ARPP21: variants seen among roughly 807,000 people sequenced by gnomAD.
ARPP21 encodes cAMP-regulated phosphoprotein 21.
ARPP21 carries 69 observed loss-of-function variants against 113.2 expected under a neutral mutation model. The ratio of observed to expected loss-of-function variants is 0.61; its 90% CI spans 0.50 to 0.74. The LOEUF is 0.74. Ranked by LOEUF, ARPP21 falls within the 30% of genes least tolerant of loss-of-function variation. ARPP21 has a pLI of 0.00. For synonymous variants in ARPP21, 368 were observed against 375.5 expected (o/e 0.98, Z 0.23); for missense variants, 1,070 against 1,037.4 (o/e 1.03, Z -0.43).
chr3:35,740,287 G>C (rs986571149), intron 18 of ARPP21, among the ~76,000 whole-genome samples: 3 of 152,146 alleles, frequency 2.0e-5, no homozygotes, highest in Admixed American at 1.3e-4. Context: ...AGTGATTACT[G>C]TCAAGATATA....
chr3:35,785,924 G>A (rs886138294), intron 19 of ARPP21, among the ~76,000 whole-genome samples: 1 of 151,918 alleles, frequency 6.6e-6, no homozygotes, highest in African/African-American at 2.4e-5. Context: ...TAAAACCAGC[G>A]AGTAATAAAT....
In ARPP21 at chr3:35,707,429, G is replaced by A. The variant is rs975944587; in HGVS notation, c.795+347G>A. On this transcript the variant is annotated intron_variant, in intron 10 of 20. Transcript: ENST00000684406. Reference sequence around the variant, plus strand: ...ATATCCAGATGTCTGTGTAACTATGGCAGTCGTTCCACTCCCTACAGCTTT... The same window carrying A: ...ATATCCAGATGTCTGTGTAACTATGACAGTCGTTCCACTCCCTACAGCTTT... The A allele has an allele frequency of 1.4e-4, 70 of 491,802 alleles. 1 individual carries two copies. The highest frequency in any genetic ancestry group is 2.8e-5 in the Non-Finnish European group (7 of 250,630). 30.5% of individuals were successfully genotyped at this position (491,802 alleles called of 1,614,324 possible). A position where few individuals can be genotyped will look rare whatever the true frequency, so the allele number is the denominator to read the frequency against.
chr3:35,726,994 C>G (rs1046910924), intron 14 of ARPP21, among the ~76,000 whole-genome samples: 3 of 152,176 alleles, frequency 2.0e-5, no homozygotes, highest in Admixed American at 6.5e-5. Context: ...GGAATATGAC[C>G]ACAGAGTCAT....
intron 1 of ARPP21, among the ~76,000 whole-genome samples, chr3:35,652,148 T>C (rs1327285361): frequency 6.6e-6 from 1 of 152,126 alleles, no homozygotes; most frequent in African/African-American, 2.4e-5. Flanking sequence ...AATCTACTAA[T>C]GTGACTCAGC....
At chr3:35,667,891 G>GAAGAAGAAGAAGAT in intron 1 of ARPP21, among the ~76,000 whole-genome samples, 1 of 71,366 alleles carries the variant, frequency 1.4e-5, no homozygotes, top group African/African-American at 6.5e-5. Flanking sequence ...AAGAAGAAGA[G>GAAGAAGAAGAAGAT]GAAGAGGAAG....
intron 19 of ARPP21, among the ~76,000 whole-genome samples, chr3:35,777,345 C>T (rs1004740822): frequency 2.0e-5 from 3 of 152,186 alleles, no homozygotes; most frequent in African/African-American, 4.8e-5. Context: ...TGGGAATTAA[C>T]TTGCTCCCAG....
rs756268326 is a variant in ARPP21, at chr3:35,689,326, G to A, written c.426G>A (p.Thr142=). 26 of 1,577,172 alleles carry A rather than the reference G, an allele frequency of 1.6e-5. No homozygotes were observed. The highest frequency in any genetic ancestry group is 2.7e-5 in the African/African-American group (2 of 73,992). The change falls in exon 7 of 21, where the codon ACG becomes ACA. Residue 142 remains threonine (T), a synonymous_variant. Coordinates refer to ENST00000684406, the MANE Select transcript of ARPP21 (RefSeq NM_001385562.1). ...MLSKDCSQEY[T]DSTGIDLHEF... ...TTTCAGATTGCAGCCAAGAATACAC[G>A]GATTCTACAGGCATAGACTTACACG...
intron 11 of ARPP21, among the ~76,000 whole-genome samples, chr3:35,712,075 C>G (rs1191278065): frequency 6.6e-6 from 1 of 152,174 alleles, no homozygotes; most frequent in Non-Finnish European, 1.5e-5. Flanking sequence ...AGGCAGCACA[C>G]TTTAGGGGAC....
intron 1 of ARPP21, among the ~76,000 whole-genome samples, chr3:35,654,204 A>G (rs1703748224): frequency 6.6e-6 from 1 of 152,088 alleles, no homozygotes. Context: ...AAAGATGCAT[A>G]TTAAGTGATG....
chr3:35,698,755 C>A (rs2085064064), intron 9 of ARPP21, among the ~76,000 whole-genome samples: 1 of 151,596 alleles, frequency 6.6e-6, no homozygotes, highest in Non-Finnish European at 1.5e-5. Context: ...TTAACTCGTA[C>A]CTATTGATTC....
chr3:35,717,099 G>A (rs1297258664), intron 12 of ARPP21, among the ~76,000 whole-genome samples, 199 bp from the exon 13 acceptor site: 1 of 151,322 alleles, frequency 6.6e-6, no homozygotes, highest in African/African-American at 2.4e-5. Context: ...TCCTTACCTA[G>A]CATCGGTGTC....
At chr3:35,653,935 T>G (rs1703612853) in intron 1 of ARPP21, among the ~76,000 whole-genome samples, 1 of 146,636 alleles carries the variant, frequency 6.8e-6, no homozygotes, top group African/African-American at 2.5e-5. Context: ...ATTTGGAGGG[T>G]TGTCACATTC....
At chr3:35,734,485 G>A (rs1166564192) in intron 15 of ARPP21, among the ~76,000 whole-genome samples, 1 of 152,196 alleles carries the variant, frequency 6.6e-6, no homozygotes, top group Non-Finnish European at 1.5e-5. Flanking sequence ...AGACCAAACA[G>A]TTGATTTTGT....
intron 15 of ARPP21, among the ~76,000 whole-genome samples, chr3:35,736,202 C>T (rs953549543): frequency 6.6e-6 from 1 of 152,216 alleles, no homozygotes; most frequent in East Asian, 1.9e-4. Flanking sequence ...TATACCTCTG[C>T]AGGTTGTTAG....
At chr3:35,659,722 T>C (rs1706790883) in intron 1 of ARPP21, among the ~76,000 whole-genome samples, 1 of 152,170 alleles carries the variant, frequency 6.6e-6, no homozygotes, top group African/African-American at 2.4e-5. Context: ...TTTTGTTGGT[T>C]AATATACAAG....
chr3:35,699,732 T>A (rs953239246), intron 9 of ARPP21, among the ~76,000 whole-genome samples: 2 of 151,754 alleles, frequency 1.3e-5, no homozygotes, highest in Non-Finnish European at 2.9e-5. Context: ...ACTACACTAG[T>A]AAGTCTGTAC....
intron 19 of ARPP21, chr3:35,744,548 C>G (rs766560576): frequency 1.9e-6 from 1 of 527,810 alleles, no homozygotes; most frequent in East Asian, 5.6e-5. Context: ...CGGTCTCTTT[C>G]CCTACTGTGT....
chr3:35,671,320 G>A (rs1440739380), intron 1 of ARPP21, among the ~76,000 whole-genome samples: 2 of 152,114 alleles, frequency 1.3e-5, no homozygotes, highest in Non-Finnish European at 2.9e-5. Context: ...CCAACACAAT[G>A]TTGCTACCAA....
chr3:35,646,165 A>G (rs572087578), intron 1 of ARPP21, among the ~76,000 whole-genome samples: 5 of 152,190 alleles, frequency 3.3e-5, no homozygotes, highest in African/African-American at 1.2e-4. Context: ...CAACTCACCG[A>G]AATTCAATGA....
Sources: gnomAD v4.1 joint callset for allele counts (sites outside exome capture counted in the v4.1 genomes callset) on GRCh38, gnomAD v4.1.1 for gene constraint, MANE v1.5 for transcripts, NCBI Gene and HGNC (gene_info 2026-07-23, HGNC 2026-07-21) for gene names.